Variants in TMC1 observed in about 807,000 individuals in gnomAD.
TMC1 encodes the protein transmembrane channel like 1.
In TMC1, 84 loss-of-function variants were observed where a neutral mutation model predicts 105.8. The observed-to-expected ratio is 0.79, with a 90% confidence interval of 0.67 to 0.95. The LOEUF is 0.95. Ranked by LOEUF, TMC1 falls within the 40% of genes least tolerant of loss-of-function variation. TMC1 has a pLI of 0.00. For synonymous variants in TMC1, 315 were observed against 311.5 expected (o/e 1.01, Z -0.12); for missense variants, 817 against 914.1 (o/e 0.89, Z 1.37).
chr9:72,806,245 G>T (rs1370748622), intron 18 of TMC1, among the ~76,000 whole-genome samples: 7 of 144,556 alleles, frequency 4.8e-5, no homozygotes, highest in Non-Finnish European at 9.3e-5. Context: ...CCTCCCTCCC[G>T]GATGGGGCGG....
chr9:72,781,105 C>T (rs1431371786), intron 13 of TMC1, among the ~76,000 whole-genome samples: 1 of 152,120 alleles, frequency 6.6e-6, no homozygotes, highest in Non-Finnish European at 1.5e-5. Flanking sequence ...AAACTGAAGT[C>T]ACACCAACAA....
At chr9:72,806,585 G>T (rs1311332691) in intron 18 of TMC1, among the ~76,000 whole-genome samples, 1 of 150,800 alleles carries the variant, frequency 6.6e-6, no homozygotes, top group Admixed American at 6.6e-5. Context: ...CTTCTCAGAT[G>T]GGGCGGCCGG....
At chr9:72,671,973 A>T (rs1475821082) in intron 5 of TMC1, among the ~76,000 whole-genome samples, 1 of 152,206 alleles carries the variant, frequency 6.6e-6, no homozygotes, top group African/African-American at 2.4e-5. Context: ...GATGAAACAC[A>T]TGTAAGAACA....
chr9:72,801,866 T>C (rs1828478076), intron 17 of TMC1, among the ~76,000 whole-genome samples: 1 of 152,224 alleles, frequency 6.6e-6, no homozygotes, highest in Non-Finnish European at 1.5e-5. Context: ...AAATTTTTAA[T>C]ACAATGTTTG....
chr9:72,579,615 G>A (rs1480562203), intron 2 of TMC1, among the ~76,000 whole-genome samples: 2 of 152,340 alleles, frequency 1.3e-5, no homozygotes, highest in East Asian at 3.9e-4. Flanking sequence ...ACTCAGAAGG[G>A]ATAAAAATGG....
At chr9:72,805,295 T>G in intron 17 of TMC1, 87 bp from the exon 18 acceptor site, 1 of 1,482,756 alleles carries the variant, frequency 6.7e-7, no homozygotes, top group Non-Finnish European at 9.4e-7. Flanking sequence ...AGCCAATACT[T>G]CTTTAGAAAT....
chr9:72,643,371 C>T (rs1825658000), intron 4 of TMC1, among the ~76,000 whole-genome samples: 1 of 152,150 alleles, frequency 6.6e-6, no homozygotes, highest in South Asian at 2.1e-4. Context: ...GTAAACTACA[C>T]ATACTCATTT....
intron 1 of TMC1, among the ~76,000 whole-genome samples, chr9:72,540,141 C>T (rs1294333110): frequency 1.3e-5 from 2 of 152,186 alleles, no homozygotes; most frequent in Non-Finnish European, 2.9e-5. Flanking sequence ...GATCCACCCA[C>T]ATAACACACA....
At chr9:72,796,914 G>A (rs1441150808) in intron 17 of TMC1, among the ~76,000 whole-genome samples, 3 of 152,098 alleles carry the variant, frequency 2.0e-5, no homozygotes, top group Admixed American at 2.0e-4. Context: ...ATCAAAATAG[G>A]AAAAGAGGGA....
At chr9:72,694,854 C>A in intron 7 of TMC1, 140 bp downstream of exon 7, 1 of 738,292 alleles carries the variant, frequency 1.4e-6, no homozygotes, top group Admixed American at 2.8e-5. Flanking sequence ...TTTTATTCTA[C>A]TTAATTAAAT....
intron 17 of TMC1, among the ~76,000 whole-genome samples, chr9:72,794,894 T>G (rs923727727): frequency 6.6e-6 from 1 of 152,154 alleles, no homozygotes; most frequent in African/African-American, 2.4e-5. Flanking sequence ...AACACGACAC[T>G]GGAGCTGAAG....
intron 12 of TMC1, among the ~76,000 whole-genome samples, chr9:72,756,381 G>A (rs1212138005): frequency 6.6e-6 from 1 of 152,126 alleles, no homozygotes; most frequent in Non-Finnish European, 1.5e-5. Flanking sequence ...TTCTTAGGCG[G>A]GTCTGGGTTT....
chr9:72,737,013 T>G (rs546195950), intron 8 of TMC1, among the ~76,000 whole-genome samples: 3 of 152,172 alleles, frequency 2.0e-5, no homozygotes, highest in Non-Finnish European at 4.4e-5. Flanking sequence ...CCTGTGGAAG[T>G]TGGCCTTCAA....
In TMC1 at chr9:72,608,433, G is replaced by A. The variant is rs139986814; in HGVS notation, c.-305-7935G>A. ...GGAGATTAAGTGTTGCAGTCCAGGC[G>A]TGGTGGCCCACGCCTGTAATCCCAG... On this transcript the variant is annotated intron_variant, in intron 2 of 23. Coordinates refer to ENST00000297784, the MANE Select transcript of TMC1 (RefSeq NM_138691.3). Among the ~76,000 whole-genome samples the A allele has an allele frequency of 2.0e-3, 299 of 152,182 alleles. 1 individual carries two copies. Among genetic ancestry groups the A allele is most frequent in the African/African-American group, 6.5e-3 (270 of 41,542 alleles).
rs752751599 is a variant in TMC1 at position 72,754,865 on chromosome 9, G to C, written c.722G>C (p.Gly241Ala). The change falls in exon 12 of 24, where the codon GGT becomes GCT. Residue 241 changes from glycine (G) to alanine (A), a missense_variant. Gly to Ala is a moderately conservative substitution (Grantham distance 60). Transcript: ENST00000297784. The stretch of plus-strand genomic sequence containing the variant: ...GAAGAGGCATCGGCAGCAAACTTTG[G>C]TGTGTTGTACGACTTCAATGTAAGT... ...RAEEASAANF[G>A]VLYDFNGLAQ... The C allele has an allele frequency of 6.2e-7, 1 of 1,614,024 alleles. No individual in the cohort carries two copies. The highest frequency in any genetic ancestry group is 8.5e-7 in the Non-Finnish European group (1 of 1,179,916).
chr9:72,542,580 A>C (rs1230269458), intron 1 of TMC1, among the ~76,000 whole-genome samples: 1 of 151,340 alleles, frequency 6.6e-6, no homozygotes, highest in African/African-American at 2.4e-5. Context: ...ACATTGTGCC[A>C]CTGCGCTCCA....
chr9:72,608,472 C>G (rs896954001), intron 2 of TMC1, among the ~76,000 whole-genome samples: 2 of 152,030 alleles, frequency 1.3e-5, no homozygotes, highest in Non-Finnish European at 2.9e-5. Context: ...TTTGGGAGGC[C>G]GAGGTGGACA....
chr9:72,647,429 C>A (rs1026756169), intron 4 of TMC1, among the ~76,000 whole-genome samples: 1 of 152,076 alleles, frequency 6.6e-6, no homozygotes, highest in East Asian at 1.9e-4. Flanking sequence ...TAATATAAAT[C>A]AAATTGCATG....
chr9:72,688,777 TG>T, intron 6 of TMC1, 21 bp downstream of exon 6: 1 of 1,597,814 alleles, frequency 6.3e-7, no homozygotes, highest in Non-Finnish European at 8.6e-7. Context: ...ATGGGCCACT[TG>T]GGATACATTT....
Sources: gnomAD v4.1 joint callset for allele counts (sites outside exome capture counted in the v4.1 genomes callset) on GRCh38, gnomAD v4.1.1 for gene constraint, MANE v1.5 for transcripts, NCBI Gene and HGNC (gene_info 2026-07-23, HGNC 2026-07-21) for gene names.